Variants in THSD4 observed in about 807,000 individuals in gnomAD.
THSD4 encodes thrombospondin type-1 domain-containing protein 4.
THSD4 carries 69 observed loss-of-function variants against 119.0 expected under a neutral mutation model. The observed-to-expected ratio is 0.58, with a 90% CI of 0.48 to 0.71. THSD4 has a LOEUF of 0.71. Among genes scored for constraint, THSD4 ranks in the 30% least tolerant of loss-of-function variants. The pLI is 0.00. For synonymous variants in THSD4, 524 were observed against 540.4 expected (o/e 0.97, Z 0.42); for missense variants, 1,393 against 1,391.1 (o/e 1.00, Z -0.02).
chr15:71,541,268 C>G (rs1291241588), intron 7 of THSD4, among the ~76,000 whole-genome samples: 6 of 152,142 alleles, frequency 3.9e-5, no homozygotes. Context: ...CATTCTTTTG[C>G]TTATACCAAG....
chr15:71,209,158 T>A (rs1342086912), intron 3 of THSD4, among the ~76,000 whole-genome samples: 1 of 152,228 alleles, frequency 6.6e-6, no homozygotes, highest in African/African-American at 2.4e-5. Flanking sequence ...TTACACATTA[T>A]AAAGCTTCTG....
At position 71,468,290 on chromosome 15, in the gene THSD4, G is replaced by A. The variant is rs577805312; in HGVS notation, c.1152+56467G>A. ...CCATGTGTAACTGTGAGTCAGTTAA[G>A]CCTCTTTCCTTTATAAATTACCCAG... On this transcript the variant is annotated intron_variant, in intron 7 of 17. Coordinates refer to ENST00000261862, the MANE Select transcript of THSD4 (RefSeq NM_024817.3). 1.1e-3 allele frequency among the ~76,000 whole-genome samples: 161 copies of A among 152,310 alleles called. 1 individual carries two copies. Among genetic ancestry groups the A allele is most frequent in the South Asian group, 2.3e-3 (11 of 4,824 alleles).
At chr15:71,736,858 C>T (rs571460499) in intron 10 of THSD4, among the ~76,000 whole-genome samples, 1 of 152,330 alleles carries the variant, frequency 6.6e-6, no homozygotes, top group African/African-American at 2.4e-5. Context: ...CATCTAAGGA[C>T]TTGGCTACTC....
intron 1 of THSD4, among the ~76,000 whole-genome samples, chr15:71,108,642 G>A (rs1197344070): frequency 6.6e-6 from 1 of 152,086 alleles, no homozygotes; most frequent in African/African-American, 2.4e-5. Flanking sequence ...ACATTCTCAC[G>A]GTGTGAATGT....
At chr15:71,625,752 G>A (rs956175665) in intron 7 of THSD4, among the ~76,000 whole-genome samples, 4 of 152,210 alleles carry the variant, frequency 2.6e-5, no homozygotes, top group Non-Finnish European at 4.4e-5. Flanking sequence ...AATGCTAGGA[G>A]TGCAGGATGA....
chr15:71,305,995 A>G (rs1017638522), intron 6 of THSD4, among the ~76,000 whole-genome samples: 3 of 152,148 alleles, frequency 2.0e-5, no homozygotes, highest in African/African-American at 4.8e-5. Flanking sequence ...AAACGATTGT[A>G]AAGAGCTTAA....
Position 71,568,657 on chromosome 15 carries a change from T to C in THSD4, c.1153-91873T>C, listed in dbSNP as rs562922517. On this transcript the variant is annotated intron_variant, in intron 7 of 17. Transcript: ENST00000261862. ...GCACAACGTGCTAGTTTGTCACATA[T>C]GTATACATGTGCCATGTTGGTGCGC... Among the ~76,000 whole-genome samples, 5 of 152,074 alleles carry C rather than the reference T, an allele frequency of 3.3e-5. No homozygotes were observed. The South Asian group carries it at 8.3e-4, about 25-fold the overall frequency.
chr15:71,346,873 T>C (rs867184975), intron 6 of THSD4, among the ~76,000 whole-genome samples: 1,754 of 133,878 alleles, frequency 0.013, 15 homozygotes, highest in Middle Eastern at 0.022. Flanking sequence ...ATTTTCTTTT[T>C]TTTTTTTTTT....
At chr15:71,690,700 G>A (rs1214416303) in intron 8 of THSD4, among the ~76,000 whole-genome samples, 1 of 152,216 alleles carries the variant, frequency 6.6e-6, no homozygotes, top group Non-Finnish European at 1.5e-5. Flanking sequence ...CATGGCAGAA[G>A]GCAAGGAGGA....
intron 6 of THSD4, among the ~76,000 whole-genome samples, chr15:71,292,520 C>T (rs2044805534): frequency 6.6e-6 from 1 of 152,008 alleles, no homozygotes; most frequent in African/African-American, 2.4e-5. Flanking sequence ...CGACTGTCTT[C>T]TAAATTCTCT....
At chr15:71,433,559 T>A (rs1478604939) in intron 7 of THSD4, among the ~76,000 whole-genome samples, 1 of 151,722 alleles carries the variant, frequency 6.6e-6, no homozygotes, top group Non-Finnish European at 1.5e-5. Context: ...ATACTGGACA[T>A]AGACACCCTC....
intron 11 of THSD4, among the ~76,000 whole-genome samples, chr15:71,744,475 A>G (rs1355461178): frequency 6.6e-6 from 1 of 152,128 alleles, no homozygotes; most frequent in Non-Finnish European, 1.5e-5. Flanking sequence ...AACATGAAAG[A>G]CGCTTGCCAA....
chr15:71,341,343 T>C (rs780979784), intron 6 of THSD4: 5 of 1,608,572 alleles, frequency 3.1e-6, no homozygotes, highest in Non-Finnish European at 4.2e-6. Flanking sequence ...CGGTGCATCT[T>C]AGGTGCTTTG....
chr15:71,276,788 C>T (rs1447623084), intron 6 of THSD4, among the ~76,000 whole-genome samples: 2 of 152,310 alleles, frequency 1.3e-5, no homozygotes, highest in East Asian at 3.9e-4. Context: ...GGTTATCGTA[C>T]ATTGTCTAAA....
intron 7 of THSD4, among the ~76,000 whole-genome samples, chr15:71,506,932 T>C (rs1374056835): frequency 6.6e-6 from 1 of 152,228 alleles, no homozygotes; most frequent in Non-Finnish European, 1.5e-5. Flanking sequence ...GGTTCATCTG[T>C]AAGTTTTCCT....
intron 6 of THSD4, among the ~76,000 whole-genome samples, chr15:71,314,184 G>A (rs1044222986): frequency 2.0e-5 from 3 of 151,952 alleles, no homozygotes; most frequent in African/African-American, 7.3e-5. Flanking sequence ...CTGAGAAAGA[G>A]GTTGAATTAT....
chr15:71,145,231 G>A (rs2040645708), intron 2 of THSD4, among the ~76,000 whole-genome samples: 2 of 152,256 alleles, frequency 1.3e-5, no homozygotes, highest in Admixed American at 1.3e-4. Context: ...TCAAGTGAAA[G>A]CAAAGAGAAA....
At chr15:71,234,207 G>T (rs1374231553) in intron 4 of THSD4, among the ~76,000 whole-genome samples, 2 of 152,192 alleles carry the variant, frequency 1.3e-5, no homozygotes, top group Non-Finnish European at 2.9e-5. Context: ...AAGCGTGCAA[G>T]TCCCTTCTGT....
intron 8 of THSD4, among the ~76,000 whole-genome samples, chr15:71,709,129 G>A (rs1420247976): frequency 2.0e-5 from 3 of 152,172 alleles, no homozygotes; most frequent in Non-Finnish European, 4.4e-5. Flanking sequence ...TCTAAAACTA[G>A]CTTTCTCACC....
Sources: gnomAD v4.1 joint callset for allele counts (sites outside exome capture counted in the v4.1 genomes callset) on GRCh38, gnomAD v4.1.1 for gene constraint, MANE v1.5 for transcripts, NCBI Gene and HGNC (gene_info 2026-07-23, HGNC 2026-07-21) for gene names.